Variants in FRMD3 observed in about 807,000 individuals in gnomAD.
FRMD3 encodes FERM domain containing 3.
Under a neutral mutation model 70.2 loss-of-function variants are expected in FRMD3, and 33 were observed. The observed-to-expected ratio is 0.47, with a 90% CI of 0.36 to 0.63. The LOEUF (loss-of-function observed/expected upper bound fraction) is 0.63, where lower values mean the gene tolerates loss of function less well. FRMD3 is among the 20% of genes least tolerant of loss of function. The pLI is 0.00. For synonymous variants in FRMD3, 279 were observed against 255.9 expected (o/e 1.09, Z -0.86); for missense variants, 632 against 711.4 (o/e 0.89, Z 1.27).
chr9:83,360,060 G>A (rs899121095), intron 3 of FRMD3, among the ~76,000 whole-genome samples: 1 of 152,202 alleles, frequency 6.6e-6, no homozygotes, highest in African/African-American at 2.4e-5. Flanking sequence ...CATGAGACAG[G>A]TGTGTATATG....
chr9:83,532,846 A>G (rs1042510243), intron 1 of FRMD3, among the ~76,000 whole-genome samples: 2 of 152,206 alleles, frequency 1.3e-5, no homozygotes, highest in Non-Finnish European at 2.9e-5. Flanking sequence ...GCATGAGGAA[A>G]TACCTCTTCT....
chr9:83,389,720 G>C lies in FRMD3; in HGVS notation c.148-12C>G. ...CCTTTGGTTTCCCTCTGCAAAGGAA[G>C]CACATTTAAGTCTCAGCCAGAGCTC... On this transcript the variant is annotated splice_polypyrimidine_tract_variant and intron_variant, in intron 1 of 13. Coordinates refer to ENST00000304195, the MANE Select transcript of FRMD3 (RefSeq NM_174938.6). 1 of 1,587,322 alleles carries C rather than the reference G, an allele frequency of 6.3e-7. No individual in the cohort carries two copies.
chr9:83,329,941 G>A (rs1307450725), intron 6 of FRMD3, among the ~76,000 whole-genome samples: 3 of 152,160 alleles, frequency 2.0e-5, no homozygotes, highest in Non-Finnish European at 4.4e-5. Context: ...GTTCTTTATG[G>A]TAAAAGCAAT....
chr9:83,317,304 C>T (rs72743060), intron 6 of FRMD3, among the ~76,000 whole-genome samples: 1,803 of 151,846 alleles, frequency 0.012, 18 homozygotes, highest in Middle Eastern at 0.024. Flanking sequence ...AAGCAGCAAC[C>T]CACTCTTCTG....
chr9:83,308,249 A>ATCTCC (rs1403236291), intron 10 of FRMD3, among the ~76,000 whole-genome samples: 2 of 152,184 alleles, frequency 1.3e-5, no homozygotes, highest in African/African-American at 4.8e-5. Flanking sequence ...ACAATGGGCA[A>ATCTCC]AGACCCTTCA....
At chr9:83,508,752 A>G (rs941332648) in intron 1 of FRMD3, among the ~76,000 whole-genome samples, 1 of 152,108 alleles carries the variant, frequency 6.6e-6, no homozygotes, top group Non-Finnish European at 1.5e-5. Flanking sequence ...GCACGTGCCC[A>G]ATCCCAGCCT....
intron 1 of FRMD3, among the ~76,000 whole-genome samples, chr9:83,409,836 A>T (rs1041768765): frequency 3.3e-5 from 5 of 152,150 alleles, no homozygotes; most frequent in African/African-American, 4.8e-5. Context: ...CTGGTCCTCA[A>T]ACATTGGTGT....
At chr9:83,331,726 T>C in intron 6 of FRMD3, 1 of 662,688 alleles carries the variant, frequency 1.5e-6, no homozygotes, top group Non-Finnish European at 2.7e-6. Context: ...CCTTTCAATT[T>C]TGCTGTAAAC....
intron 1 of FRMD3, among the ~76,000 whole-genome samples, chr9:83,403,474 G>A (rs1349837337): frequency 6.6e-6 from 1 of 152,174 alleles, no homozygotes; most frequent in Non-Finnish European, 1.5e-5. Flanking sequence ...TATACTTGGT[G>A]TAGCTTGCCT....
intron 1 of FRMD3, among the ~76,000 whole-genome samples, chr9:83,502,582 G>A (rs1454953491): frequency 1.3e-5 from 2 of 152,164 alleles, no homozygotes; most frequent in African/African-American, 4.8e-5. Context: ...GAGGTCAAGT[G>A]AGGTGTTCCA....
chr9:83,321,949 G>C (rs1456271124), intron 6 of FRMD3, among the ~76,000 whole-genome samples: 1 of 152,190 alleles, frequency 6.6e-6, no homozygotes, highest in Non-Finnish European at 1.5e-5. Context: ...TAGCAGAGCA[G>C]TGGGTATTGT....
At chr9:83,507,286 G>A (rs1485221406) in intron 1 of FRMD3, among the ~76,000 whole-genome samples, 2 of 147,298 alleles carry the variant, frequency 1.4e-5, no homozygotes, top group Admixed American at 7.0e-5. Context: ...ACAATTGCTT[G>A]AACCTGGGAG....
chr9:83,436,781 G>GA lies in FRMD3; in HGVS notation c.148-47074dup, dbSNP rs200464485. On this transcript the variant is annotated intron_variant, in intron 1 of 13. Coordinates refer to ENST00000304195, the MANE Select transcript of FRMD3 (RefSeq NM_174938.6). ...GAAGTTTTCCAACCTGGACCAAGGG[G>GA]AAAAAAAAAAAAAAAAAAAACAAGA... Among the ~76,000 whole-genome samples, 582 of 132,262 alleles carry GA rather than the reference G, an allele frequency of 4.4e-3. 2 individuals carry two copies. The highest frequency in any genetic ancestry group is 6.0e-3 in the African/African-American group (219 of 36,694). 86.8% of individuals were successfully genotyped at this position (132,262 alleles called of 152,430 possible). A position where few individuals can be genotyped will look rare whatever the true frequency, so the allele number is the denominator to read the frequency against.
At chr9:83,269,134 A>G (rs73479746) in intron 13 of FRMD3, among the ~76,000 whole-genome samples, 10,382 of 152,240 alleles carry the variant, frequency 0.068, 992 homozygotes, top group African/African-American at 0.22. Context: ...GATGAATTTC[A>G]TAGATTAACC....
At chr9:83,558,586 A>G in the FRMD3 span, among the ~76,000 whole-genome samples, 11 of 152,202 alleles carry the variant, frequency 7.2e-5, no homozygotes, top group Non-Finnish European at 5.9e-5. Flanking sequence ...CCACCCATGG[A>G]TCAAGGAGTA....
At chr9:83,520,760 C>A (rs1026820340) in intron 1 of FRMD3, among the ~76,000 whole-genome samples, 33 of 152,088 alleles carry the variant, frequency 2.2e-4, no homozygotes, top group African/African-American at 7.7e-4. Context: ...GGAATTTCTG[C>A]AATTGCTTAC....
intron 2 of FRMD3, among the ~76,000 whole-genome samples, chr9:83,378,865 A>ACACAC (rs1357741276): frequency 1.7e-4 from 24 of 137,620 alleles, no homozygotes; most frequent in African/African-American, 6.4e-4. Flanking sequence ...ATAAATATAT[A>ACACAC]TACACTATAT....
intron 13 of FRMD3, among the ~76,000 whole-genome samples, chr9:83,282,307 C>A (rs1834004173): frequency 6.6e-6 from 1 of 152,124 alleles, no homozygotes; most frequent in South Asian, 2.1e-4. Context: ...GAAGGTGGTT[C>A]AAAAGAGGCA....
chr9:83,531,906 G>T (rs901169171), intron 1 of FRMD3, among the ~76,000 whole-genome samples: 5 of 152,164 alleles, frequency 3.3e-5, no homozygotes, highest in African/African-American at 9.7e-5. Context: ...TGAAGAACAG[G>T]AGGCCCAGTG....
Sources: allele counts gnomAD v4.1 joint callset (sites outside exome capture counted in the v4.1 genomes callset), GRCh38; gene constraint gnomAD v4.1.1; transcripts MANE v1.5; gene names NCBI Gene and HGNC (gene_info 2026-07-23, HGNC 2026-07-21).